SLC25A40: variants seen among roughly 807,000 people sequenced by gnomAD.
The protein encoded by SLC25A40 is mitochondrial glutathione transporter SLC25A40.
Under a neutral mutation model 46.5 loss-of-function variants are expected in SLC25A40, and 41 were observed. That is an observed-to-expected ratio of 0.88 (90% CI 0.69 to 1.14). The LOEUF (loss-of-function observed/expected upper bound fraction) is 1.14, where lower values mean the gene tolerates loss of function less well. SLC25A40 is among the 50% of genes most tolerant of loss of function. The pLI is 0.00. For missense variants in SLC25A40, 386 were observed against 393.6 expected (o/e 0.98, Z 0.16); for synonymous variants, 126 against 127.5 (o/e 0.99, Z 0.08).
At position 87,837,447 on chromosome 7, in the gene SLC25A40, A is replaced by G; in HGVS notation, c.824-637T>C. ...TACTACCTTTCTGAATGGATACGCT[A>G]TTCTTGAAATAAATTAGACCAGTGC... On this transcript the variant is annotated intron_variant, in intron 10 of 11. Coordinates refer to ENST00000341119, the MANE Select transcript of SLC25A40 (RefSeq NM_018843.4). Among the ~76,000 whole-genome samples the G allele has an allele frequency of 1.3e-5, 2 of 151,208 alleles. 1 individual carries two copies. Among genetic ancestry groups the G allele is most frequent in the Non-Finnish European group, 3.0e-5 (2 of 67,442 alleles).
At chr7:87,855,235 A>C (rs1361195244) in intron 4 of SLC25A40, among the ~76,000 whole-genome samples, 1 of 152,202 alleles carries the variant, frequency 6.6e-6, no homozygotes, top group African/African-American at 2.4e-5. Flanking sequence ...GGAAGATAAA[A>C]GACGAAAACC....
chr7:87,870,782 C>G (rs1584340960), intron 1 of SLC25A40, among the ~76,000 whole-genome samples: 1 of 152,284 alleles, frequency 6.6e-6, no homozygotes, highest in African/African-American at 2.4e-5. Flanking sequence ...AACCCCTTTT[C>G]AGCTCCCCTT....
intron 1 of SLC25A40, among the ~76,000 whole-genome samples, chr7:87,867,316 G>A (rs1838819931): frequency 6.6e-6 from 1 of 152,014 alleles, no homozygotes; most frequent in South Asian, 2.1e-4. Flanking sequence ...TCTCCTCTGT[G>A]TGTTTTCAAA....
In SLC25A40 at chr7:87,858,677, T is replaced by TACA. The variant is rs772406302; in HGVS notation, c.50_51insTGT (p.Gln17delinsHisVal). On this transcript the variant is annotated protein_altering_variant, in exon 3 of 12. Coordinates refer to ENST00000341119, the MANE Select transcript of SLC25A40 (RefSeq NM_018843.4). ...CTCCAGTACATGAGGCAAGCATTTG[T>TACA]TGAAGAGGTGTCACTTTGATAATCT... The TACA allele has an allele frequency of 6.2e-7, 1 of 1,613,072 alleles. No homozygotes were observed. Among genetic ancestry groups the TACA allele is most frequent in the African/African-American group, 1.3e-5 (1 of 74,920 alleles).
intron 5 of SLC25A40, among the ~76,000 whole-genome samples, chr7:87,852,797 G>C (rs1453215434): frequency 2.0e-5 from 3 of 152,088 alleles, no homozygotes; most frequent in Admixed American, 6.5e-5. Context: ...TTCCACAAAT[G>C]CAAGTGGACA....
Position 87,841,678 on chromosome 7 carries a change from T to C in SLC25A40, c.778A>G (p.Lys260Glu). ...AVATLPFDVV[K>E]TQKQTQLWTY... ...CAAAGTTGTGTCTGCTTTTGTGTTTTTACTACATCAAATGGTAAAGTTGCA... is the reference window on the plus strand; with the variant it reads ...CAAAGTTGTGTCTGCTTTTGTGTTTCTACTACATCAAATGGTAAAGTTGCA... The change falls in exon 10 of 12, where the codon AAA (lysine) becomes GAA (glutamate). Residue 260 changes from lysine to glutamate, a missense_variant. Coordinates refer to ENST00000341119, the MANE Select transcript of SLC25A40 (RefSeq NM_018843.4). 1 of 1,531,304 alleles carries C rather than the reference T, an allele frequency of 6.5e-7. No individual in the cohort carries two copies. Among genetic ancestry groups the C allele is most frequent in the Non-Finnish European group, 8.8e-7 (1 of 1,138,042 alleles). The allele number at this position is 1,531,304 out of a possible 1,614,324, so 94.9% of individuals were successfully genotyped here. A position where few individuals can be genotyped will look rare whatever the true frequency, so the allele number is the denominator to read the frequency against.
chr7:87,846,862 G>A, intron 8 of SLC25A40, 87 bp downstream of exon 8: 1 of 1,146,040 alleles, frequency 8.7e-7, no homozygotes, highest in Non-Finnish European at 1.2e-6. Context: ...ACCTTTAATG[G>A]TAAAGAGTTA....
rs1838681938 is a variant in SLC25A40 at position 87,860,639 on chromosome 7, A to T, written c.-92T>A. 6.6e-6 allele frequency: 1 copy of T among 152,150 alleles called. No homozygotes were observed. Among genetic ancestry groups the T allele is most frequent in the Admixed American group, 6.6e-5 (1 of 15,266 alleles). 9.4% of individuals were successfully genotyped at this position (152,150 alleles called of 1,614,324 possible). The stretch of plus-strand genomic sequence containing the variant: ...TTGTTTGTAACATCAGTAGCCAAAA[A>T]CCTGTAATTAAGAAGAAAGTAATTG... On this transcript the variant is annotated splice_region_variant and 5_prime_UTR_variant, in exon 2 of 12. Transcript: ENST00000341119.
At chr7:87,863,944 T>C (rs1838746203) in intron 1 of SLC25A40, among the ~76,000 whole-genome samples, 2 of 152,306 alleles carry the variant, frequency 1.3e-5, no homozygotes, top group South Asian at 2.1e-4. Context: ...ACTGAGAACA[T>C]GTGATGTTTG....
chr7:87,849,963 G>A lies in SLC25A40; in HGVS notation c.265-15C>T. 6.6e-7 allele frequency: 1 copy of A among 1,506,704 alleles called. No individual in the cohort carries two copies. Among genetic ancestry groups the A allele is most frequent in the Non-Finnish European group, 9.1e-7 (1 of 1,102,854 alleles). 93.3% of individuals were successfully genotyped at this position (1,506,704 alleles called of 1,614,324 possible). A position where few individuals can be genotyped will look rare whatever the true frequency, so the allele number is the denominator to read the frequency against. On this transcript the variant is annotated splice_polypyrimidine_tract_variant and intron_variant, in intron 5 of 11. Coordinates refer to ENST00000341119, the MANE Select transcript of SLC25A40 (RefSeq NM_018843.4). ...AAAAATGCATCCTAAAGTTATAATA[G>A]AAAAAAAGTAATCAAAATATATCTT...
chr7:87,856,262 T>C (rs1838612104), intron 4 of SLC25A40, 30 bp downstream of exon 4: 1 of 1,516,170 alleles, frequency 6.6e-7, no homozygotes, highest in Non-Finnish European at 8.9e-7. Context: ...AAATCAAACA[T>C]AACATTTTTA....
chr7:87,869,589 G>A (rs1027113832), intron 1 of SLC25A40, among the ~76,000 whole-genome samples: 10 of 148,882 alleles, frequency 6.7e-5, no homozygotes, highest in Middle Eastern at 3.2e-3. Context: ...ATTTCAGTTC[G>A]TACCCCCTTT....
In SLC25A40 at chr7:87,866,912, CA is replaced by C. The variant is rs1179634467; in HGVS notation, c.-93-6273del. Among the ~76,000 whole-genome samples the C allele has an allele frequency of 5.3e-5, 8 of 152,328 alleles. No homozygotes were observed. The East Asian group carries it at 1.5e-3, about 29-fold the overall frequency. On this transcript the variant is annotated intron_variant, in intron 1 of 11. Coordinates refer to ENST00000341119, the MANE Select transcript of SLC25A40 (RefSeq NM_018843.4). ...CCCTAAGAACAAAGAGCTTGTAAAC[CA>C]ATAAATTGGGTGGAGCCCAAGAGTT...
chr7:87,870,196 C>T (rs966740828), intron 1 of SLC25A40, among the ~76,000 whole-genome samples: 2 of 150,618 alleles, frequency 1.3e-5, no homozygotes, highest in Non-Finnish European at 1.5e-5. Context: ...ATACTAGATC[C>T]TTACCAGATA....
chr7:87,849,904 T>C lies in SLC25A40; in HGVS notation c.309A>G (p.Leu103=), dbSNP rs1372055150. The C allele has an allele frequency of 1.9e-6, 3 of 1,600,092 alleles. No individual in the cohort carries two copies. The highest frequency in any genetic ancestry group is 2.6e-6 in the Non-Finnish European group (3 of 1,174,350). ...ACAGGGTAGGAGGAAGGCCACTCCA[T>C]AGAGATTTAATGCCCTCATTTCGAA... ...KIIRNEGIKS[L]WSGLPPTLVM... The change falls in exon 6 of 12, where the codon CTA becomes CTG. Residue 103 remains leucine, a synonymous_variant. Coordinates refer to ENST00000341119, the MANE Select transcript of SLC25A40 (RefSeq NM_018843.4).
chr7:87,861,607 A>G (rs1838700020), intron 1 of SLC25A40, among the ~76,000 whole-genome samples: 1 of 152,112 alleles, frequency 6.6e-6, no homozygotes, highest in Admixed American at 6.5e-5. Flanking sequence ...AGTTCCTGAA[A>G]CTTATGTAGA....
chr7:87,847,740 G>A, intron 7 of SLC25A40, 113 bp downstream of exon 7: 2 of 1,046,664 alleles, frequency 1.9e-6, no homozygotes, highest in Non-Finnish European at 2.6e-6. Context: ...AAACTATAAT[G>A]CAAAATATAT....
intron 6 of SLC25A40, among the ~76,000 whole-genome samples, chr7:87,849,029 A>G (rs569703586): frequency 1.4e-4 from 21 of 152,350 alleles, no homozygotes; most frequent in African/African-American, 4.8e-4. Context: ...TTTTACATTC[A>G]ATATTAACAG....
rs373580503 is a variant in SLC25A40 at position 87,837,665 on chromosome 7, C to T, written c.824-855G>A. Among the ~76,000 whole-genome samples, 7 of 151,086 alleles carry T rather than the reference C, an allele frequency of 4.6e-5. No individual in the cohort carries two copies. In the South Asian group the frequency reaches 8.3e-4, roughly 18 times the overall value. ...AAATTTGTTTATTTTCGTTTACACA[C>T]TATTCTAAAAAGCTGCCTTGGCCCA... On this transcript the variant is annotated intron_variant, in intron 10 of 11. Transcript: ENST00000341119.
Sources: gnomAD v4.1 joint callset for allele counts (sites outside exome capture counted in the v4.1 genomes callset) on GRCh38, gnomAD v4.1.1 for gene constraint, MANE v1.5 for transcripts, NCBI Gene and HGNC (gene_info 2026-07-23, HGNC 2026-07-21) for gene names.